KLF17: variants seen among roughly 807,000 people sequenced by gnomAD.
KLF17 encodes Krueppel-like factor 17.
Under a neutral mutation model 34.2 loss-of-function variants are expected in KLF17, and 31 were observed. The observed-to-expected ratio is 0.91, with a 90% CI of 0.68 to 1.22. The LOEUF (loss-of-function observed/expected upper bound fraction) is 1.22. Among genes scored for constraint, KLF17 ranks in the 50% most tolerant of loss-of-function variants. The pLI is 0.00. For missense variants in KLF17, 478 were observed against 505.2 expected (o/e 0.95, Z 0.52); for synonymous variants, 179 against 186.7 (o/e 0.96, Z 0.34).
chr1:44,064,048 G>A, the KLF17 span, among the ~76,000 whole-genome samples: 1 of 152,146 alleles, frequency 6.6e-6, no homozygotes, highest in South Asian at 2.1e-4. Flanking sequence ...AGAGGCACAT[G>A]GAGAATACCT....
At chr1:44,087,839 A>G in the KLF17 span, 2 of 148,128 alleles carry the variant, frequency 1.4e-5, no homozygotes, top group Admixed American at 6.8e-5. Flanking sequence ...TATATATAAT[A>G]TATATGAAAT....
At chr1:44,072,376 AGT>A in the KLF17 span, among the ~76,000 whole-genome samples, 3 of 152,094 alleles carry the variant, frequency 2.0e-5, no homozygotes, top group African/African-American at 7.2e-5. Context: ...GTGAGTCATC[AGT>A]GTGTGGGTGG....
the KLF17 span, among the ~76,000 whole-genome samples, chr1:44,099,898 AAAG>A: frequency 9.5e-5 from 6 of 63,420 alleles, no homozygotes; most frequent in East Asian, 1.4e-3. Flanking sequence ...AGAAAGAAAG[AAAG>A]AAAGAAAGAA....
chr1:44,088,025 G>A, the KLF17 span: 5 of 218,224 alleles, frequency 2.3e-5, no homozygotes, highest in Non-Finnish European at 3.9e-5. Flanking sequence ...ACAGGACAAA[G>A]CTGACAATGG....
At chr1:44,117,624 T>C (rs1029694112), upstream of KLF17, among the ~76,000 whole-genome samples, 2 of 151,796 alleles carry the variant, frequency 1.3e-5, no homozygotes, top group South Asian at 2.1e-4. Flanking sequence ...GCCTCCTGAG[T>C]AGCTGGGATT....
chr1:44,094,235 C>A, the KLF17 span, among the ~76,000 whole-genome samples: 2 of 151,896 alleles, frequency 1.3e-5, no homozygotes, highest in Admixed American at 1.3e-4. Flanking sequence ...CTTATGTATT[C>A]GATTATTAAT....
rs755730666 is a variant in KLF17 at position 44,129,369 on chromosome 1, C to T, written c.98C>T (p.Ala33Val). 2.0e-5 allele frequency: 30 copies of T among 1,514,826 alleles called. No individual in the cohort carries two copies. The highest frequency in any genetic ancestry group is 1.8e-4 in the Middle Eastern group (1 of 5,592). The allele number at this position is 1,514,826 out of a possible 1,614,324, so 93.8% of individuals were successfully genotyped here. ...HQAAQDNENS[A>V]PILNMSSSSG... ...TTCCCCAAGGATAACGAGAACTCAG[C>T]GCCCATCTTGAACATGTCTTCATCT... Residue 33 changes from alanine (A) to valine (V), a missense_variant, in exon 2 of 4, where the codon GCG (alanine) becomes GTG (valine). By Grantham distance (64) the Ala-to-Val change is moderately conservative. Transcript: ENST00000372299.
At chr1:44,072,112 A>G in the KLF17 span, among the ~76,000 whole-genome samples, 3 of 152,066 alleles carry the variant, frequency 2.0e-5, no homozygotes, top group Non-Finnish European at 4.4e-5. Context: ...GGCGGATACA[A>G]CAGGACTTGT....
At chr1:44,049,454 T>C in the KLF17 span, among the ~76,000 whole-genome samples, 33 of 152,200 alleles carry the variant, frequency 2.2e-4, no homozygotes, top group African/African-American at 4.8e-5. Flanking sequence ...TGCCTGTTTT[T>C]GAATTTCATA....
At chr1:44,067,982 T>C in the KLF17 span, among the ~76,000 whole-genome samples, 1 of 152,046 alleles carries the variant, frequency 6.6e-6, no homozygotes, top group African/African-American at 2.4e-5. Flanking sequence ...TTCTTCCCCA[T>C]CTGGGCATGA....
chr1:44,088,105 A>G, the KLF17 span: 1 of 143,830 alleles, frequency 7.0e-6, no homozygotes, highest in African/African-American at 4.1e-5. Context: ...AAGCACTCTT[A>G]TTTTTATTTA....
At chr1:44,082,532 G>C in the KLF17 span, among the ~76,000 whole-genome samples, 2 of 152,160 alleles carry the variant, frequency 1.3e-5, no homozygotes, top group Admixed American at 6.5e-5. Context: ...AGCCTCCCTA[G>C]ATGAGGGACA....
chr1:44,091,963 T>C, the KLF17 span, among the ~76,000 whole-genome samples: 3 of 74,710 alleles, frequency 4.0e-5, no homozygotes, highest in Non-Finnish European at 4.5e-5. Context: ...ACACACACAC[T>C]CTCTCTCTCT....
At chr1:44,099,821 A>T in the KLF17 span, among the ~76,000 whole-genome samples, 145 of 129,502 alleles carry the variant, frequency 1.1e-3, no homozygotes, top group African/African-American at 3.9e-3. Flanking sequence ...TCTCAGAAAG[A>T]AAAAGAAGAA....
the KLF17 span, among the ~76,000 whole-genome samples, chr1:44,105,836 C>T: frequency 6.6e-6 from 1 of 152,134 alleles, no homozygotes; most frequent in Non-Finnish European, 1.5e-5. Context: ...CGGAACCCCA[C>T]TTTGGCCAGA....
the KLF17 span, among the ~76,000 whole-genome samples, chr1:44,109,596 A>G: frequency 6.6e-6 from 1 of 152,124 alleles, no homozygotes; most frequent in Non-Finnish European, 1.5e-5. Context: ...CTGGAATAGG[A>G]TTAGTTTGAT....
At chr1:44,117,474 A>T (rs2087892536), upstream of KLF17, 1 of 136,772 alleles carries the variant, frequency 7.3e-6, no homozygotes, top group Admixed American at 7.2e-5. Context: ...TATTTATTTT[A>T]TTTTATTTTA....
the KLF17 span, among the ~76,000 whole-genome samples, chr1:44,081,343 G>A: frequency 1.8e-4 from 27 of 151,008 alleles, no homozygotes; most frequent in Admixed American, 4.6e-4. Flanking sequence ...TTAGTTTAAA[G>A]CACTAGGTTT....
chr1:44,084,926 TA>T, the KLF17 span, among the ~76,000 whole-genome samples: 3 of 112,864 alleles, frequency 2.7e-5, no homozygotes, highest in Non-Finnish European at 3.7e-5. Context: ...AAATAAAAAT[TA>T]GAAAAAAAAA....
Sources: gnomAD v4.1 joint callset for allele counts (sites outside exome capture counted in the v4.1 genomes callset) on GRCh38, gnomAD v4.1.1 for gene constraint, MANE v1.5 for transcripts, NCBI Gene and HGNC (gene_info 2026-07-23, HGNC 2026-07-21) for gene names.